The following SAMD12 variants were observed in gnomAD, a reference collection of about 807,000 sequenced individuals.
SAMD12 encodes sterile alpha motif domain-containing protein 12.
A neutral mutation model predicts 15.0 loss-of-function variants in SAMD12; 9 were observed. The ratio of observed to expected loss-of-function variants is 0.60; its 90% confidence interval spans 0.36 to 1.05. SAMD12 has a LOEUF of 1.05. Ranked by LOEUF, SAMD12 falls within the 50% of genes least tolerant of loss-of-function variation. The probability of loss-of-function intolerance (pLI) is 0.01; values close to 1 mark genes in which losing one functional copy is unlikely to be tolerated. For missense variants in SAMD12, 230 were observed against 234.2 expected, an observed-to-expected ratio of 0.98 and a Z score of 0.12; for synonymous variants, 86 against 90.1, an observed-to-expected ratio of 0.96 and a Z score of 0.25.
At chr8:118,619,157 A>G (rs1335693480) in intron 1 of SAMD12, among the ~76,000 whole-genome samples, 1 of 152,160 alleles carries the variant, frequency 6.6e-6, no homozygotes. Context: ...AAATGTGTCC[A>G]GGGACAATGT....
chr8:118,153,714 C>T, the SAMD12 span, among the ~76,000 whole-genome samples: 1 of 152,128 alleles, frequency 6.6e-6, no homozygotes, highest in African/African-American at 2.4e-5. Flanking sequence ...GAGGCTACAC[C>T]ATGGGTTGAG....
intron 4 of SAMD12, among the ~76,000 whole-genome samples, chr8:118,248,850 T>C (rs1430505325): frequency 6.6e-6 from 1 of 152,174 alleles, no homozygotes; most frequent in Non-Finnish European, 1.5e-5. Flanking sequence ...TCTTTTTATT[T>C]ATGAGAATCT....
At chr8:118,242,989 C>G (rs1421548026) in intron 4 of SAMD12, among the ~76,000 whole-genome samples, 1 of 152,168 alleles carries the variant, frequency 6.6e-6, no homozygotes, top group Non-Finnish European at 1.5e-5. Context: ...CTCACCTGCT[C>G]TATGATCCAG....
chr8:118,491,032 G>T (rs1439954277), intron 2 of SAMD12, among the ~76,000 whole-genome samples: 4 of 151,848 alleles, frequency 2.6e-5, no homozygotes, highest in Non-Finnish European at 5.9e-5. Context: ...TCTTCCCATT[G>T]CCCCGGGGAA....
chr8:118,384,763 C>A (rs1348251471), intron 3 of SAMD12, among the ~76,000 whole-genome samples: 1 of 152,162 alleles, frequency 6.6e-6, no homozygotes, highest in Non-Finnish European at 1.5e-5. Context: ...TTAAAATATT[C>A]TTCTTTTCTT....
chr8:118,494,981 C>T (rs1414667541), intron 2 of SAMD12, among the ~76,000 whole-genome samples: 6 of 152,184 alleles, frequency 3.9e-5, no homozygotes, highest in Non-Finnish European at 7.3e-5. Context: ...CCTAAGCTCA[C>T]CTTCCCTATC....
chr8:118,389,658 T>C (rs1820162013), intron 3 of SAMD12, among the ~76,000 whole-genome samples: 1 of 151,724 alleles, frequency 6.6e-6, no homozygotes, highest in East Asian at 2.0e-4. Flanking sequence ...GAGGTTATAG[T>C]GAGCCGAGAT....
chr8:118,419,247 C>T (rs940471100), intron 3 of SAMD12, among the ~76,000 whole-genome samples: 4 of 150,734 alleles, frequency 2.7e-5, no homozygotes, highest in African/African-American at 9.8e-5. Context: ...GTACTGCCAT[C>T]TGCTGGCTAT....
At position 118,593,026 on chromosome 8, in the gene SAMD12, C is replaced by T. The variant is rs1373903476; in HGVS notation, c.14-12133G>A. 5.3e-5 allele frequency among the ~76,000 whole-genome samples: 8 copies of T among 152,244 alleles called. No homozygotes were observed. In the South Asian group the frequency reaches 1.7e-3, roughly 32 times the overall value. On this transcript the variant is annotated intron_variant, in intron 1 of 3. Transcript: ENST00000314727. ...TAATATTAGCAGGCAATTTTGTTTG[C>T]TTACTCTGTCTATTCATAGTAACAT... is the stretch of plus-strand genomic sequence containing the variant.
chr8:118,615,446 T>C (rs1357633674), intron 1 of SAMD12, among the ~76,000 whole-genome samples: 1 of 152,122 alleles, frequency 6.6e-6, no homozygotes. Context: ...TAAGCTCCCT[T>C]TCTTACTACA....
At chr8:118,446,344 T>C (rs7830347) in intron 2 of SAMD12, among the ~76,000 whole-genome samples, 67,377 of 151,864 alleles carry the variant, frequency 0.44, 17,336 homozygotes, top group South Asian at 0.58. Flanking sequence ...GGACTCTCAG[T>C]AGTTAGTGGG....
chr8:118,617,418 GA>G (rs1563614134), intron 1 of SAMD12, among the ~76,000 whole-genome samples: 1 of 152,204 alleles, frequency 6.6e-6, no homozygotes, highest in African/African-American at 2.4e-5. Context: ...CCTGAGCACT[GA>G]ATGACTTATC....
At chr8:118,151,625 G>A in the SAMD12 span, among the ~76,000 whole-genome samples, 4 of 151,830 alleles carry the variant, frequency 2.6e-5, no homozygotes, top group Non-Finnish European at 4.4e-5. Flanking sequence ...TCAGGAGATC[G>A]AGACCACCCT....
chr8:118,529,712 A>G (rs1825633154), intron 2 of SAMD12, among the ~76,000 whole-genome samples: 5 of 152,216 alleles, frequency 3.3e-5, no homozygotes. Context: ...TCTTGCTGCA[A>G]AAGCCATAAT....
At chr8:118,315,345 T>C (rs1815838021) in intron 4 of SAMD12, among the ~76,000 whole-genome samples, 2 of 152,202 alleles carry the variant, frequency 1.3e-5, no homozygotes, top group Non-Finnish European at 2.9e-5. Flanking sequence ...CAGGTCAATA[T>C]AGATATTCAC....
chr8:118,435,209 C>T (rs1422309758), intron 3 of SAMD12, among the ~76,000 whole-genome samples: 2 of 152,088 alleles, frequency 1.3e-5, no homozygotes, highest in East Asian at 1.9e-4. Flanking sequence ...TACCTGTGGT[C>T]AATTGTGGTC....
At position 118,321,425 on chromosome 8, in the gene SAMD12, C is replaced by T. The variant is rs571707826; in HGVS notation, c.433+58135G>A. 6.0e-5 allele frequency among the ~76,000 whole-genome samples: 9 copies of T among 150,606 alleles called. No homozygotes were observed. In the East Asian group the frequency reaches 1.2e-3, roughly 20 times the overall value. ...GGTCAGGAGTTCAAGACCAGTCTGG[C>T]GAATATGGTGAAACCCCGTCTCTCC... is the stretch of plus-strand genomic sequence containing the variant. On this transcript the variant is annotated intron_variant, in intron 4 of 4. Coordinates refer to the SAMD12 transcript ENST00000409003.
intron 3 of SAMD12, among the ~76,000 whole-genome samples, chr8:118,390,737 A>C (rs1228066290): frequency 6.6e-6 from 1 of 152,160 alleles, no homozygotes; most frequent in East Asian, 1.9e-4. Context: ...ACTTGGTTAC[A>C]TTTAGATGAT....
intron 2 of SAMD12, among the ~76,000 whole-genome samples, chr8:118,514,846 T>C (rs963976957): frequency 1.3e-5 from 2 of 152,216 alleles, no homozygotes; most frequent in Non-Finnish European, 2.9e-5. Flanking sequence ...GTTGCTGACA[T>C]GCTTTGGATT....
Sources: gnomAD v4.1 joint callset for allele counts (sites outside exome capture counted in the v4.1 genomes callset) on GRCh38, gnomAD v4.1.1 for gene constraint, MANE v1.5 for transcripts, NCBI Gene and HGNC (gene_info 2026-07-23, HGNC 2026-07-21) for gene names.